The following EYS variants were observed in gnomAD, a reference collection of about 807,000 sequenced individuals.
The protein encoded by EYS is protein eyes shut homolog.
Under a neutral mutation model 282.1 loss-of-function variants are expected in EYS, and 250 were observed. The ratio of observed to expected loss-of-function variants is 0.89; its 90% CI spans 0.80 to 0.98. EYS has a LOEUF of 0.98. Among genes scored for constraint, EYS ranks in the 50% least tolerant of loss-of-function variants. The pLI is 0.00. For synonymous variants in EYS, 1,355 were observed against 1,282.9 expected, an observed-to-expected ratio of 1.06 and a Z score of -1.20; for missense variants, 4,016 against 3,709.0, an observed-to-expected ratio of 1.08 and a Z score of -2.15.
chr6:63,848,417 G>A (rs1370673674), intron 36 of EYS, among the ~76,000 whole-genome samples: 1 of 151,936 alleles, frequency 6.6e-6, no homozygotes, highest in African/African-American at 2.4e-5. Flanking sequence ...GAACAGCTCT[G>A]GTCTGCAGCT....
At chr6:65,352,940 C>T (rs913392969) in intron 9 of EYS, among the ~76,000 whole-genome samples, 1 of 151,902 alleles carries the variant, frequency 6.6e-6, no homozygotes, top group Non-Finnish European at 1.5e-5. Flanking sequence ...TTCCCTCAAC[C>T]CAGAATTCTC....
chr6:63,721,634 T>G lies in EYS; in HGVS notation c.8397A>C (p.Leu2799=), dbSNP rs1403000124. The change falls in exon 43 of 43, where the codon CTA becomes CTC. Residue 2799 remains leucine (L), a synonymous_variant. Coordinates refer to ENST00000503581, the MANE Select transcript of EYS (RefSeq NM_001142800.2). ...GRVGAEGYLD[L]DGINVTEKAS... ...CCTTTTCTGTTACATTTATCCCATC[T>G]AGATCCAGGTAGCCTTCTGCACCAA... The G allele has an allele frequency of 6.4e-7, 1 of 1,551,252 alleles. No individual in the cohort carries two copies. The highest frequency in any genetic ancestry group is 8.7e-7 in the Non-Finnish European group (1 of 1,146,496).
intron 28 of EYS, among the ~76,000 whole-genome samples, chr6:64,395,591 A>G (rs1338190594): frequency 2.8e-5 from 4 of 142,716 alleles, no homozygotes; most frequent in Non-Finnish European, 6.1e-5. Flanking sequence ...ATGAGATCAC[A>G]TGGACACAGG....
chr6:65,655,245 A>G (rs1252792549), intron 1 of EYS, among the ~76,000 whole-genome samples: 2 of 151,718 alleles, frequency 1.3e-5, no homozygotes, highest in Non-Finnish European at 3.0e-5. Context: ...TCTGCCATCA[A>G]GTAGATACAG....
intron 26 of EYS, among the ~76,000 whole-genome samples, chr6:64,474,942 C>A (rs745905760): frequency 2.2e-4 from 33 of 152,300 alleles, no homozygotes; most frequent in Admixed American, 5.9e-4. Flanking sequence ...GGAAAATGGA[C>A]AGCCACATTT....
intron 24 of EYS, among the ~76,000 whole-genome samples, chr6:64,617,031 T>C (rs1301163214): frequency 6.6e-6 from 1 of 152,142 alleles, no homozygotes; most frequent in African/African-American, 2.4e-5. Context: ...TACAATATGC[T>C]GAGCCCAACC....
chr6:65,278,025 T>TCTTTTC (rs1239692663), intron 12 of EYS, among the ~76,000 whole-genome samples: 21 of 109,552 alleles, frequency 1.9e-4, no homozygotes, highest in South Asian at 3.5e-4. Context: ...TGTTTTCTTT[T>TCTTTTC]CTTTTCCTTT....
At chr6:65,360,002 C>T (rs960640881) in intron 8 of EYS, among the ~76,000 whole-genome samples, 12 of 151,840 alleles carry the variant, frequency 7.9e-5, no homozygotes, top group Non-Finnish European at 1.2e-4. Flanking sequence ...TCAATTGTTA[C>T]TTTATTTTAA....
rs561981448 is a variant in EYS at position 65,222,166 on chromosome 6, G to T, written c.2023+73697C>A. 3.9e-5 allele frequency among the ~76,000 whole-genome samples: 6 copies of T among 152,232 alleles called. No homozygotes were observed. The East Asian group carries it at 9.7e-4, about 24-fold the overall frequency. Reference sequence around the variant, plus strand: ...GGCTAAAATGAATTAAGACTTTGGGGAACTGTTAGAAGACATGATTGATTT... The same window carrying T: ...GGCTAAAATGAATTAAGACTTTGGGTAACTGTTAGAAGACATGATTGATTT... On this transcript the variant is annotated intron_variant, in intron 12 of 42. Coordinates refer to ENST00000503581, the MANE Select transcript of EYS (RefSeq NM_001142800.2).
At chr6:64,649,195 C>T (rs1315916631) in intron 22 of EYS, among the ~76,000 whole-genome samples, 2 of 152,012 alleles carry the variant, frequency 1.3e-5, no homozygotes, top group African/African-American at 4.8e-5. Context: ...GACACTTTAC[C>T]ATCATAAAAC....
chr6:65,404,746 G>A (rs371757061), intron 6 of EYS, among the ~76,000 whole-genome samples: 13 of 152,058 alleles, frequency 8.5e-5, no homozygotes, highest in East Asian at 1.9e-4. Context: ...GTAACAAAAA[G>A]TTTAGGAGGT....
At chr6:64,787,765 T>C (rs1254136908) in intron 22 of EYS, among the ~76,000 whole-genome samples, 1 of 150,304 alleles carries the variant, frequency 6.7e-6, no homozygotes, top group African/African-American at 2.4e-5. Flanking sequence ...TTTATTAATT[T>C]TCTCATTTTC....
At position 65,339,590 on chromosome 6, in the gene EYS, C is replaced by A. The variant is rs543964479; in HGVS notation, c.1600-4444G>T. Among the ~76,000 whole-genome samples the A allele has an allele frequency of 4.6e-5, 7 of 151,098 alleles. No homozygotes were observed. In the East Asian group the frequency reaches 1.4e-3, roughly 30 times the overall value. On this transcript the variant is annotated intron_variant, in intron 10 of 42. Transcript: ENST00000503581. Reference sequence around the variant, plus strand: ...AGTAAATACAGGGTTTGGTACTATTCACAGTTTCAGGCATACACTGGGGTC... The same window carrying A: ...AGTAAATACAGGGTTTGGTACTATTAACAGTTTCAGGCATACACTGGGGTC...
At chr6:65,213,450 C>G (rs145156404) in intron 12 of EYS, among the ~76,000 whole-genome samples, 1 of 152,104 alleles carries the variant, frequency 6.6e-6, no homozygotes, top group East Asian at 1.9e-4. Flanking sequence ...TGTGGAAACC[C>G]TGCACTGAGC....
chr6:64,212,129 A>T (rs937706511), intron 31 of EYS, among the ~76,000 whole-genome samples: 1 of 151,868 alleles, frequency 6.6e-6, no homozygotes, highest in African/African-American at 2.4e-5. Context: ...TAATAATAAT[A>T]ATTAATAATT....
intron 31 of EYS, among the ~76,000 whole-genome samples, chr6:64,142,579 C>T (rs1420993963): frequency 6.6e-6 from 1 of 152,098 alleles, no homozygotes; most frequent in Non-Finnish European, 1.5e-5. Context: ...GGTCATAGCA[C>T]ACCTCATGTT....
intron 22 of EYS, among the ~76,000 whole-genome samples, chr6:64,683,667 A>G (rs1252800379): frequency 6.6e-6 from 1 of 152,210 alleles, no homozygotes; most frequent in Non-Finnish European, 1.5e-5. Flanking sequence ...TTTCCCAAAC[A>G]TGGTGAAAAG....
chr6:64,025,011 A>G (rs1453052771), intron 33 of EYS, among the ~76,000 whole-genome samples: 1 of 152,160 alleles, frequency 6.6e-6, no homozygotes, highest in Non-Finnish European at 1.5e-5. Context: ...TGGTGAGACC[A>G]TCGCCTATTG....
intron 33 of EYS, among the ~76,000 whole-genome samples, chr6:64,013,217 C>A (rs528438732): frequency 6.6e-6 from 1 of 152,126 alleles, no homozygotes; most frequent in Non-Finnish European, 1.5e-5. Flanking sequence ...CCAGCCATCA[C>A]GAGATACTGG....
Sources: gnomAD v4.1 joint callset for allele counts (sites outside exome capture counted in the v4.1 genomes callset) on GRCh38, gnomAD v4.1.1 for gene constraint, MANE v1.5 for transcripts, NCBI Gene and HGNC (gene_info 2026-07-23, HGNC 2026-07-21) for gene names.